Variants in C1orf21 observed in about 807,000 individuals in gnomAD.
The protein encoded by C1orf21 is chromosome 1 open reading frame 21.
Under a neutral mutation model 18.7 loss-of-function variants are expected in C1orf21, and 3 were observed. The observed-to-expected ratio is 0.16, with a 90% CI of 0.07 to 0.42. The LOEUF (loss-of-function observed/expected upper bound fraction) is 0.42. Among genes scored for constraint, C1orf21 ranks in the 10% least tolerant of loss-of-function variants. C1orf21 has a pLI of 0.99. For synonymous variants in C1orf21, 41 were observed against 46.4 expected (o/e 0.88, Z 0.47); for missense variants, 104 against 143.6 (o/e 0.72, Z 1.41).
chr1:184,414,222 C>G (rs950977866), intron 1 of C1orf21, among the ~76,000 whole-genome samples: 6 of 152,142 alleles, frequency 3.9e-5, no homozygotes, highest in African/African-American at 1.4e-4. Flanking sequence ...GCCTCGACTC[C>G]CAGGCTCAAG....
At chr1:184,425,119 T>A (rs1373589022) in intron 1 of C1orf21, among the ~76,000 whole-genome samples, 3 of 152,232 alleles carry the variant, frequency 2.0e-5, no homozygotes, top group Non-Finnish European at 2.9e-5. Context: ...GTGTGACTTC[T>A]GGCTCTATCC....
chr1:184,515,130 A>T (rs188052041), intron 3 of C1orf21, among the ~76,000 whole-genome samples: 1 of 152,354 alleles, frequency 6.6e-6, no homozygotes, highest in Admixed American at 6.5e-5. Context: ...CTCCTGGCAT[A>T]GAAGATGCCA....
chr1:184,591,723 G>A (rs758291596), intron 4 of C1orf21, among the ~76,000 whole-genome samples: 47 of 151,858 alleles, frequency 3.1e-4, no homozygotes, highest in Non-Finnish European at 5.3e-4. Context: ...GGAGAGTGGC[G>A]TGAACCCTGG....
intron 3 of C1orf21, among the ~76,000 whole-genome samples, chr1:184,536,279 G>T (rs1658551936): frequency 1.3e-5 from 2 of 152,096 alleles, no homozygotes; most frequent in South Asian, 4.1e-4. Flanking sequence ...TCTAAGAGCT[G>T]GGTGGGAACT....
chr1:184,572,010 A>G (rs1415817115), intron 3 of C1orf21, among the ~76,000 whole-genome samples: 6 of 152,206 alleles, frequency 3.9e-5, no homozygotes, highest in African/African-American at 9.7e-5. Flanking sequence ...GCTGGCATCT[A>G]TTGGGCTCTT....
In C1orf21 at chr1:184,477,559, A is replaced by C; in HGVS notation, c.50A>C (p.Glu17Ala). ...GTTGCCACTGTTCAAAATGAAGAGGAAGCCCAGAAAGGGAAAAACTACCAG... is the reference window on the plus strand; with the variant it reads ...GTTGCCACTGTTCAAAATGAAGAGGCAGCCCAGAAAGGGAAAAACTACCAG... ...KHVATVQNEE[E>A]AQKGKNYQNG... Residue 17 changes from glutamate to alanine, a missense_variant, in exon 2 of 6, where the codon GAA (glutamate) becomes GCA (alanine). By Grantham distance (107) the Glu-to-Ala change is moderately radical (BLOSUM62 -1). Coordinates refer to ENST00000235307, the MANE Select transcript of C1orf21 (RefSeq NM_030806.4). 6.2e-7 allele frequency: 1 copy of C among 1,614,052 alleles called. No homozygotes were observed. The highest frequency in any genetic ancestry group is 8.5e-7 in the Non-Finnish European group (1 of 1,179,928).
intron 3 of C1orf21, among the ~76,000 whole-genome samples, chr1:184,563,690 G>C (rs576784218): frequency 6.6e-6 from 1 of 152,302 alleles, no homozygotes; most frequent in South Asian, 2.1e-4. Flanking sequence ...TTTTCAAAAT[G>C]ATTTTACTTG....
chr1:184,567,196 G>GCACA (rs749002588), intron 3 of C1orf21: 21 of 471,790 alleles, frequency 4.5e-5, no homozygotes, highest in Non-Finnish European at 8.2e-5. Context: ...ATAGCCTAAG[G>GCACA]CACACAATGG....
chr1:184,563,720 C>T (rs1415140822), intron 3 of C1orf21, among the ~76,000 whole-genome samples: 1 of 152,166 alleles, frequency 6.6e-6, no homozygotes, highest in Non-Finnish European at 1.5e-5. Flanking sequence ...TATCCTCTAT[C>T]CATTGTCGCT....
chr1:184,508,281 C>T (rs1658095682), intron 3 of C1orf21, among the ~76,000 whole-genome samples: 1 of 152,084 alleles, frequency 6.6e-6, no homozygotes, highest in Non-Finnish European at 1.5e-5. Context: ...TCCATCTTAA[C>T]ATCCCATATC....
chr1:184,422,540 C>T (rs769098273), intron 1 of C1orf21, among the ~76,000 whole-genome samples: 4 of 152,176 alleles, frequency 2.6e-5, no homozygotes, highest in Non-Finnish European at 5.9e-5. Flanking sequence ...AGTAGAAGTA[C>T]AAAGAGTAGA....
chr1:184,541,698 C>T (rs2101977769), intron 3 of C1orf21, among the ~76,000 whole-genome samples: 1 of 152,324 alleles, frequency 6.6e-6, no homozygotes, highest in African/African-American at 2.4e-5. Context: ...AAAGCAGTGG[C>T]CTGGGTTTCT....
chr1:184,484,159 C>A (rs186379850), intron 2 of C1orf21, among the ~76,000 whole-genome samples: 60 of 152,190 alleles, frequency 3.9e-4, no homozygotes, highest in African/African-American at 1.3e-3. Context: ...GAACTCTTAA[C>A]CTCAGGTGAT....
intron 3 of C1orf21, among the ~76,000 whole-genome samples, chr1:184,583,118 C>G (rs1382865955): frequency 6.6e-6 from 1 of 152,136 alleles, no homozygotes; most frequent in Non-Finnish European, 1.5e-5. Flanking sequence ...GGATTACAGG[C>G]GTGAGCCACT....
intron 3 of C1orf21, among the ~76,000 whole-genome samples, chr1:184,559,629 T>A (rs941485996): frequency 4.5e-5 from 5 of 111,980 alleles, no homozygotes; most frequent in African/African-American, 1.2e-4. Context: ...CTCCCTCCCT[T>A]ACTTTCTTTC....
chr1:184,494,810 G>A (rs1005449942), intron 2 of C1orf21, among the ~76,000 whole-genome samples: 1 of 151,820 alleles, frequency 6.6e-6, no homozygotes, highest in East Asian at 1.9e-4. Context: ...AGGATTAATA[G>A]GGTCAAAATT....
At chr1:184,581,256 A>G (rs185333356) in intron 3 of C1orf21, among the ~76,000 whole-genome samples, 1 of 152,156 alleles carries the variant, frequency 6.6e-6, no homozygotes, top group Admixed American at 6.5e-5. Flanking sequence ...GTGAAACCCC[A>G]TCTCTACTAA....
intron 1 of C1orf21, among the ~76,000 whole-genome samples, chr1:184,400,559 G>A (rs563533550): frequency 2.0e-5 from 3 of 152,174 alleles, no homozygotes; most frequent in East Asian, 3.9e-4. Flanking sequence ...TGTACCATGG[G>A]TAGAAATTTC....
intron 3 of C1orf21, among the ~76,000 whole-genome samples, chr1:184,553,761 C>T (rs982616410): frequency 6.6e-6 from 1 of 152,148 alleles, no homozygotes; most frequent in African/African-American, 2.4e-5. Flanking sequence ...TCCCCTCTAC[C>T]AGAAGGTCTA....
Sources: allele counts gnomAD v4.1 joint callset (sites outside exome capture counted in the v4.1 genomes callset), GRCh38; gene constraint gnomAD v4.1.1; transcripts MANE v1.5; gene names NCBI Gene and HGNC (gene_info 2026-07-23, HGNC 2026-07-21).